The following PWWP2A variants were observed in gnomAD, a reference collection of about 807,000 sequenced individuals.
PWWP2A encodes PWWP domain-containing protein 2A.
Under a neutral mutation model 48.5 loss-of-function variants are expected in PWWP2A, and 18 were observed. The observed-to-expected ratio is 0.37, with a 90% confidence interval of 0.26 to 0.55. The LOEUF (loss-of-function observed/expected upper bound fraction) is 0.55. Among genes scored for constraint, PWWP2A ranks in the 20% least tolerant of loss-of-function variants. The pLI is 0.81. For synonymous variants in PWWP2A, 396 were observed against 387.7 expected, an observed-to-expected ratio of 1.02 and a Z score of -0.25; for missense variants, 867 against 976.4, an observed-to-expected ratio of 0.89 and a Z score of 1.49.
At chr5:160,084,103 G>A (rs983309661) in intron 2 of PWWP2A, among the ~76,000 whole-genome samples, 5 of 152,124 alleles carry the variant, frequency 3.3e-5, no homozygotes, top group South Asian at 4.1e-4. Context: ...AGAATTTACC[G>A]TGCAACACAA....
At chr5:160,051,969 C>G in the PWWP2A span, among the ~76,000 whole-genome samples, 32 of 152,366 alleles carry the variant, frequency 2.1e-4, 1 homozygote, top group South Asian at 6.6e-3. Flanking sequence ...TTGAGCCTGT[C>G]TGGCATTTAT....
chr5:160,078,690 A>T lies in PWWP2A; in HGVS notation c.1670-522T>A, dbSNP rs1055818958. On this transcript the variant is annotated intron_variant, in intron 3 of 3. Coordinates refer to the PWWP2A transcript ENST00000456329. The surrounding 1 kb of genome is among the most constrained non-coding windows in gnomAD (Gnocchi z 4.2). The stretch of plus-strand genomic sequence containing the variant: ...CACTGTCCACATACTTGCAAAGAGC[A>T]AAATAAGAAGGGAATGGAGGGTGCC... Among the ~76,000 whole-genome samples the T allele has an allele frequency of 6.6e-6, 1 of 152,316 alleles. No homozygotes were observed. Among genetic ancestry groups the T allele is most frequent in the Admixed American group, 6.5e-5 (1 of 15,298 alleles).
downstream of PWWP2A, chr5:160,090,494 T>C: frequency 1.0e-6 from 1 of 983,374 alleles, no homozygotes; most frequent in Non-Finnish European, 1.2e-6. Flanking sequence ...TTTTTTTAAG[T>C]ATAGTTGTTT....
At chr5:160,050,622 CAA>C in the PWWP2A span, among the ~76,000 whole-genome samples, 1 of 128,968 alleles carries the variant, frequency 7.8e-6, no homozygotes, top group Admixed American at 9.1e-5. Context: ...CAGAGCCAAA[CAA>C]AACTTTTTTT....
At chr5:160,064,844 T>C in intron 4 of PWWP2A, 3 of 1,357,690 alleles carry the variant, frequency 2.2e-6, no homozygotes, top group Non-Finnish European at 3.0e-6. Flanking sequence ...TTTTATATTT[T>C]GTACTCAGTG....
intron 2 of PWWP2A, among the ~76,000 whole-genome samples, chr5:160,084,630 C>T (rs1048636352): frequency 4.0e-5 from 6 of 151,712 alleles, no homozygotes; most frequent in Non-Finnish European, 8.8e-5. Context: ...AGAGTTTCAC[C>T]ATGTTGCCGA....
At chr5:160,103,276 C>T (rs1469372203) in intron 1 of PWWP2A, among the ~76,000 whole-genome samples, 1 of 152,110 alleles carries the variant, frequency 6.6e-6, no homozygotes, top group Non-Finnish European at 1.5e-5. Flanking sequence ...TTACTTAGTT[C>T]CACCAATACT....
chr5:160,089,619 T>C (rs1242499958), downstream of PWWP2A: 19 of 1,288,146 alleles, frequency 1.5e-5, no homozygotes, highest in Non-Finnish European at 1.6e-5. Context: ...TTCTAGAAAG[T>C]AAAAAGGGAA....
downstream of PWWP2A, among the ~76,000 whole-genome samples, chr5:160,072,605 C>G (rs1041621750): frequency 1.3e-5 from 2 of 152,156 alleles, no homozygotes; most frequent in Non-Finnish European, 2.9e-5. Context: ...TAGTGCACAC[C>G]TGTAGTCCCA....
intron 1 of PWWP2A, among the ~76,000 whole-genome samples, chr5:160,112,053 G>A (rs574645625): frequency 6.7e-6 from 1 of 149,820 alleles, no homozygotes; most frequent in Non-Finnish European, 1.5e-5. Context: ...CTTGAGCCCA[G>A]GAGGTTGAGG....
At chr5:160,118,420 G>GC (rs539463000) in intron 1 of PWWP2A, among the ~76,000 whole-genome samples, 8 of 61,076 alleles carry the variant, frequency 1.3e-4, no homozygotes, top group South Asian at 1.2e-3. Flanking sequence ...AATGCCCCCC[G>GC]CCCCCCCGTC....
chr5:160,046,883 G>A, the PWWP2A span, among the ~76,000 whole-genome samples: 683 of 152,082 alleles, frequency 4.5e-3, 7 homozygotes, highest in African/African-American at 0.016. Context: ...ATGGCGGCAC[G>A]TGCCTGTAAT....
At chr5:160,046,921 A>G in the PWWP2A span, among the ~76,000 whole-genome samples, 2 of 152,202 alleles carry the variant, frequency 1.3e-5, no homozygotes, top group African/African-American at 4.8e-5. Context: ...CTGAGGCAGG[A>G]GAATCACTTG....
downstream of PWWP2A, chr5:160,089,451 A>T: frequency 1.0e-6 from 1 of 963,088 alleles, no homozygotes; most frequent in South Asian, 1.6e-5. Context: ...GCCTCAAGCA[A>T]TCATCCCACC....
At chr5:160,063,645 C>G (rs1753501013) in exon 5 of PWWP2A, 1 of 152,180 alleles carries the variant, frequency 6.6e-6, no homozygotes, top group Non-Finnish European at 1.5e-5. Flanking sequence ...TTTCGTCCAC[C>G]CCCATTCTCA....
chr5:160,091,028 T>TAA, downstream of PWWP2A: 4 of 984,996 alleles, frequency 4.1e-6, no homozygotes, highest in Non-Finnish European at 4.8e-6. Flanking sequence ...TACCCGAATG[T>TAA]AAAAAAAGGA....
At chr5:160,117,970 G>A (rs559698930) in intron 1 of PWWP2A, 1 of 672,628 alleles carries the variant, frequency 1.5e-6, no homozygotes, top group African/African-American at 2.0e-5. Context: ...ACTTAGAACA[G>A]GTTCTCTTCC....
At chr5:160,090,477 A>T (rs1754974552), downstream of PWWP2A, 1 of 982,732 alleles carries the variant, frequency 1.0e-6, no homozygotes, top group African/African-American at 1.8e-5. Flanking sequence ...TGAATTTCAA[A>T]GAATTTTTTT....
intron 2 of PWWP2A, among the ~76,000 whole-genome samples, chr5:160,069,724 A>T (rs941731934): frequency 1.3e-5 from 2 of 152,204 alleles, no homozygotes; most frequent in Non-Finnish European, 2.9e-5. Flanking sequence ...TAATAAAAAT[A>T]AAAAGCATTC....
Sources: gnomAD v4.1 joint callset for allele counts (sites outside exome capture counted in the v4.1 genomes callset) on GRCh38, gnomAD v4.1.1 for gene constraint, Gnocchi (gnomAD v3.1) non-coding constraint, MANE v1.5 for transcripts, NCBI Gene and HGNC (gene_info 2026-07-23, HGNC 2026-07-21) for gene names.